Variants in CSMD1 observed in about 807,000 individuals in gnomAD.
CSMD1 encodes CUB and sushi domain-containing protein 1.
A neutral mutation model predicts 417.5 loss-of-function variants in CSMD1; 213 were observed. The ratio of observed to expected loss-of-function variants is 0.51; its 90% CI spans 0.46 to 0.57. The LOEUF is 0.57. Among genes scored for constraint, CSMD1 ranks in the 20% least tolerant of loss-of-function variants. The pLI is 0.00. For missense variants in CSMD1, 6,923 were observed against 4,529.7 expected, an observed-to-expected ratio of 1.53 and a Z score of -15.17; for synonymous variants, 2,862 against 1,736.8, an observed-to-expected ratio of 1.65 and a Z score of -16.11.
intron 3 of CSMD1, among the ~76,000 whole-genome samples, chr8:4,073,801 C>T (rs1387331746): frequency 6.6e-6 from 1 of 151,962 alleles, no homozygotes; most frequent in African/African-American, 2.4e-5. Context: ...AAATTATTTA[C>T]CTCATTATTA....
intron 30 of CSMD1, 103 bp from the exon 31 acceptor site, chr8:3,205,723 A>C (rs1421829649): frequency 1.6e-5 from 8 of 500,186 alleles, no homozygotes; most frequent in Non-Finnish European, 2.8e-5. Flanking sequence ...CGTTTATTGA[A>C]AACTTGACAA....
At chr8:3,567,078 G>A (rs913358205) in intron 10 of CSMD1, among the ~76,000 whole-genome samples, 1 of 152,228 alleles carries the variant, frequency 6.6e-6, no homozygotes, top group Non-Finnish European at 1.5e-5. Context: ...TGTATACCAT[G>A]GAATACTATG....
intron 4 of CSMD1, among the ~76,000 whole-genome samples, chr8:4,027,027 C>G (rs1363691153): frequency 6.6e-6 from 1 of 152,176 alleles, no homozygotes. Context: ...CACATGATGT[C>G]AAGGAACACA....
At chr8:3,047,301 T>C (rs894640838) in intron 50 of CSMD1, among the ~76,000 whole-genome samples, 4 of 151,882 alleles carry the variant, frequency 2.6e-5, no homozygotes, top group East Asian at 1.9e-4. Flanking sequence ...ATCTCTTCTG[T>C]AGAAATTGGT....
intron 25 of CSMD1, among the ~76,000 whole-genome samples, chr8:3,294,838 C>T (rs1163964502): frequency 1.3e-5 from 2 of 152,204 alleles, no homozygotes; most frequent in Non-Finnish European, 2.9e-5. Context: ...GTCCTGCACC[C>T]ACTTTCCGAC....
At chr8:3,677,164 T>G (rs918129222) in intron 7 of CSMD1, among the ~76,000 whole-genome samples, 2 of 151,730 alleles carry the variant, frequency 1.3e-5, no homozygotes, top group Non-Finnish European at 1.5e-5. Context: ...GAACTTAAAG[T>G]AAAATAAAAA....
chr8:3,738,554 C>G (rs115232814), intron 6 of CSMD1, among the ~76,000 whole-genome samples: 1 of 152,166 alleles, frequency 6.6e-6, no homozygotes, highest in African/African-American at 2.4e-5. Context: ...GAATGCCCTT[C>G]CCTTTTCAGG....
Position 4,420,814 on chromosome 8 carries a change from A to C in CSMD1, c.303-749T>G, listed in dbSNP as rs76754775. Among the ~76,000 whole-genome samples the C allele has an allele frequency of 3.9e-3, 593 of 152,262 alleles. 4 individuals are homozygous for C. Among genetic ancestry groups the C allele is most frequent in the African/African-American group, 0.013 (558 of 41,570 alleles). ...ACATAAGAATGCTGAGAATACCCAC[A>C]TTCTGGTAAGTAGCTTATTTTTTAT... On this transcript the variant is annotated intron_variant, in intron 2 of 69. Transcript: ENST00000635120.
At chr8:4,531,667 A>G (rs963859044) in intron 2 of CSMD1, among the ~76,000 whole-genome samples, 1 of 152,118 alleles carries the variant, frequency 6.6e-6, no homozygotes, top group Non-Finnish European at 1.5e-5. Flanking sequence ...GTGCTTATCT[A>G]GTTTGTCAGA....
At chr8:3,008,598 A>G (rs926741354) in intron 52 of CSMD1, among the ~76,000 whole-genome samples, 1 of 151,876 alleles carries the variant, frequency 6.6e-6, no homozygotes, top group African/African-American at 2.4e-5. Context: ...TGGCTCCTGA[A>G]CGAATCCGGT....
At chr8:3,797,809 G>C (rs556175117) in intron 5 of CSMD1, among the ~76,000 whole-genome samples, 2 of 152,040 alleles carry the variant, frequency 1.3e-5, no homozygotes, top group African/African-American at 4.8e-5. Context: ...GTAGGTATAT[G>C]TCTGACTTCA....
rs1172553905 is a variant in CSMD1, at chr8:4,453,101, G to C, written c.303-33036C>G. Among the ~76,000 whole-genome samples the C allele has an allele frequency of 2.0e-5, 3 of 152,056 alleles. No homozygotes were observed. In the South Asian group the frequency reaches 6.2e-4, roughly 32 times the overall value. ...GCTCTCCTGGGGCTATAGACAGGGA[G>C]CCAATGATTCGGAATTCCTTGGACA... On this transcript the variant is annotated intron_variant, in intron 2 of 69. Transcript: ENST00000635120.
At chr8:4,729,570 T>C (rs1032927226) in intron 1 of CSMD1, among the ~76,000 whole-genome samples, 3 of 152,184 alleles carry the variant, frequency 2.0e-5, no homozygotes, top group Non-Finnish European at 4.4e-5. Context: ...CAAATTTCGA[T>C]ATTGCTAGAG....
At chr8:3,904,625 T>A (rs1807985600) in intron 5 of CSMD1, among the ~76,000 whole-genome samples, 1 of 149,350 alleles carries the variant, frequency 6.7e-6, no homozygotes, top group East Asian at 2.0e-4. Flanking sequence ...CTTTCTTTCT[T>A]TCTCGTTTTC....
chr8:4,239,362 G>A (rs573427657), intron 3 of CSMD1, among the ~76,000 whole-genome samples: 1 of 152,182 alleles, frequency 6.6e-6, no homozygotes, highest in South Asian at 2.1e-4. Flanking sequence ...AACTGCCAAT[G>A]AAGCTGTTTT....
intron 8 of CSMD1, among the ~76,000 whole-genome samples, chr8:3,610,890 G>C (rs989253079): frequency 1.3e-5 from 2 of 151,864 alleles, no homozygotes; most frequent in African/African-American, 4.8e-5. Context: ...CTTTTCCATT[G>C]ACAGTGCAGA....
At chr8:3,861,693 T>C (rs1047550250) in intron 5 of CSMD1, among the ~76,000 whole-genome samples, 6 of 152,196 alleles carry the variant, frequency 3.9e-5, no homozygotes, top group Non-Finnish European at 2.9e-5. Context: ...GGGTTTTTTG[T>C]TTGGTTTGGT....
chr8:2,972,778 G>C (rs766001670), intron 57 of CSMD1, among the ~76,000 whole-genome samples: 18 of 152,148 alleles, frequency 1.2e-4, no homozygotes, highest in Non-Finnish European at 2.5e-4. Context: ...ATCTGCATTG[G>C]TCCTGCTCAC....
At chr8:4,148,680 T>G (rs1388972317) in intron 3 of CSMD1, among the ~76,000 whole-genome samples, 2 of 152,068 alleles carry the variant, frequency 1.3e-5, no homozygotes, top group Non-Finnish European at 1.5e-5. Context: ...CCCTCGTGTC[T>G]CTTCTAGTAA....
Sources: allele counts gnomAD v4.1 joint callset (sites outside exome capture counted in the v4.1 genomes callset), GRCh38; gene constraint gnomAD v4.1.1; transcripts MANE v1.5; gene names NCBI Gene and HGNC (gene_info 2026-07-23, HGNC 2026-07-21).